The following ZNF24 variants were observed in gnomAD, a reference collection of about 807,000 sequenced individuals.
The protein encoded by ZNF24 is zinc finger protein 24, also known as retinoic acid suppression protein A.
In ZNF24, 11 loss-of-function variants were observed where a neutral mutation model predicts 40.9. The ratio of observed to expected loss-of-function variants is 0.27; its 90% confidence interval spans 0.17 to 0.45. The LOEUF (loss-of-function observed/expected upper bound fraction) is 0.45, where lower values mean the gene tolerates loss of function less well. Ranked by LOEUF, ZNF24 falls within the 20% of genes least tolerant of loss-of-function variation. The pLI is 1.00. For synonymous variants in ZNF24, 139 were observed against 154.7 expected, an observed-to-expected ratio of 0.90 and a Z score of 0.75; for missense variants, 293 against 437.7, an observed-to-expected ratio of 0.67 and a Z score of 2.95.
Position 35,339,959 on chromosome 18 carries a change from T to C in ZNF24, c.438A>G (p.Arg146=). The part of the protein sequence containing the change: ...DPGQPVSLRR[R]KREVLVEDMV... ...TGTCTTCTACTAGTACTTCCCGTTT[T>C]CGTCGACGGAGAGAAACCTGGAAAC... is the stretch of plus-strand genomic sequence containing the variant. Residue 146 remains arginine (R), a synonymous_variant, in exon 3 of 4, where the codon CGA becomes CGG. Coordinates refer to ENST00000261332, the MANE Select transcript of ZNF24 (RefSeq NM_006965.4). The C allele has an allele frequency of 6.2e-7, 1 of 1,609,584 alleles. No homozygotes were observed. The highest frequency in any genetic ancestry group is 8.5e-7 in the Non-Finnish European group (1 of 1,176,306).
At position 35,337,446 on chromosome 18, in the gene ZNF24, T is replaced by C; in HGVS notation, c.893A>G (p.Gln298Arg). Reference protein sequence around the residue: ...FSRSSILVQHQRVHTGEKPYK... With the variant: ...FSRSSILVQHRRVHTGEKPYK... ...AGGTTTTTCTCCAGTGTGGACTCTC[T>C]GGTGTTGCACAAGAATGGAACTTCG... The change falls in exon 4 of 4, where the codon CAG becomes CGG. Residue 298 changes from glutamine (Q) to arginine (R), a missense_variant. By Grantham distance (43) the Gln-to-Arg change is conservative (BLOSUM62 1). This residue lies in a region of ZNF24 where 59 missense variants were observed against 138.6 expected (regional missense o/e 0.43). Coordinates refer to ENST00000261332, the MANE Select transcript of ZNF24 (RefSeq NM_006965.4). 6.2e-7 allele frequency: 1 copy of C among 1,613,768 alleles called. No individual in the cohort carries two copies. Among genetic ancestry groups the C allele is most frequent in the Non-Finnish European group, 8.5e-7 (1 of 1,179,686 alleles).
chr18:35,344,403 C>G lies in ZNF24; in HGVS notation c.-127G>C, dbSNP rs1367015545. On this transcript the variant is annotated 5_prime_UTR_variant, in exon 1 of 4. Transcript: ENST00000261332. ...CAGGAACCGCAGCAGCTTCGCTGTC[C>G]ACGGCAGACGCAGAAACGCCGTTCA... The G allele has an allele frequency of 6.6e-6, 1 of 152,386 alleles. No homozygotes were observed. Among genetic ancestry groups the G allele is most frequent in the Non-Finnish European group, 1.5e-5 (1 of 68,166 alleles). The allele number at this position is 152,386 out of a possible 1,614,324, so 9.4% of individuals were successfully genotyped here. A position where few individuals can be genotyped will look rare whatever the true frequency, so the allele number is the denominator to read the frequency against.
At chr18:35,341,448 TTACTA>T (rs1240098255) in intron 1 of ZNF24, among the ~76,000 whole-genome samples, 2 of 152,234 alleles carry the variant, frequency 1.3e-5, no homozygotes, top group Non-Finnish European at 2.9e-5. Flanking sequence ...GTTTATGTAT[TTACTA>T]TACTTTTTAT....
chr18:35,344,154 T>G (rs946598892), intron 1 of ZNF24, among the ~76,000 whole-genome samples: 1 of 151,628 alleles, frequency 6.6e-6, no homozygotes. Flanking sequence ...GTTAGAGAGC[T>G]CTCTGCAAAT....
chr18:35,343,230 TCCA>T (rs1166376876), intron 1 of ZNF24, among the ~76,000 whole-genome samples: 2 of 152,302 alleles, frequency 1.3e-5, no homozygotes, highest in African/African-American at 2.4e-5. Flanking sequence ...TATTCAGTCT[TCCA>T]CCACACCATA....
intron 3 of ZNF24, 65 bp from the exon 4 acceptor site, chr18:35,337,835 AT>A (rs1555957718): frequency 1.4e-3 from 1,701 of 1,205,570 alleles, no homozygotes; most frequent in African/African-American, 1.8e-3. Context: ...CCTAAAAAAA[AT>A]TTTTTTTTTA....
In ZNF24 at chr18:35,340,496, C is replaced by T. The variant is rs757349943; in HGVS notation, c.155G>A (p.Arg52Gln). ...GTATCCAAACTGCCTGAATCGCTGT[C>T]GGAAAATCTCTGGGTCTGGGAGATG... The part of the protein sequence containing the change: ...WNHLPDPEIF[R>Q]QRFRQFGYQD... The change falls in exon 2 of 4, where the codon CGA becomes CAA. Residue 52 changes from arginine (R) to glutamine (Q), a missense_variant. Physicochemically the swap from Arg to Gln is conservative, Grantham distance 43. Coordinates refer to ENST00000261332, the MANE Select transcript of ZNF24 (RefSeq NM_006965.4). This position sits in a 1 kb window ranked among gnomAD's most constrained non-coding sequence, Gnocchi z 4.6. 1.9e-6 allele frequency: 3 copies of T among 1,614,204 alleles called. No homozygotes were observed. The highest frequency in any genetic ancestry group is 2.5e-6 in the Non-Finnish European group (3 of 1,180,034).
At position 35,338,768 on chromosome 18, in the gene ZNF24, CAG is replaced by C. The variant is rs576761601; in HGVS notation, c.569-1000_569-999del. On this transcript the variant is annotated intron_variant, in intron 3 of 3. Coordinates refer to ENST00000261332, the MANE Select transcript of ZNF24 (RefSeq NM_006965.4). Reference sequence around the variant, plus strand: ...GTGGAGACAAACGGCACACAGGAAACAGAAATTCCCAAGTGTGGAAGAGACTA... The same window carrying C: ...GTGGAGACAAACGGCACACAGGAAACAAATTCCCAAGTGTGGAAGAGACTA... The C allele has an allele frequency of 5.3e-5, 66 of 1,253,674 alleles. No individual in the cohort carries two copies. In the South Asian group the frequency reaches 1.6e-3, roughly 30 times the overall value. 77.7% of individuals were successfully genotyped at this position (1,253,674 alleles called of 1,614,324 possible).
chr18:35,338,731 C>T (rs1387560350), intron 3 of ZNF24: 6 of 1,176,780 alleles, frequency 5.1e-6, no homozygotes, highest in Non-Finnish European at 5.3e-6. Context: ...AACAGAGGAG[C>T]GTGAAGATTA....
intron 1 of ZNF24, among the ~76,000 whole-genome samples, chr18:35,342,285 T>C (rs1191319000): frequency 6.6e-6 from 1 of 152,046 alleles, no homozygotes; most frequent in African/African-American, 2.4e-5. Flanking sequence ...TGAAGTGTTA[T>C]CACAAAAGAG....
Position 35,340,251 on chromosome 18 carries a change from G to T in ZNF24, c.400C>A (p.Leu134Ile). Residue 134 changes from leucine to isoleucine, a missense_variant, in exon 2 of 4, where the codon CTT (leucine) becomes ATT (isoleucine). Leu to Ile is a conservative substitution (Grantham distance 5). Around this residue, in one of 2 missense-constraint regions of ZNF24, gnomAD observed 234 missense variants for 299.2 expected, o/e 0.78. Transcript: ENST00000261332. This position sits in a 1 kb window ranked among gnomAD's most constrained non-coding sequence, Gnocchi z 4.6. ...CTCACCGGTTGTCCAGGGTCATCAA[G>T]TTCACTCTCCAAATCCTCCAGCACT... ...VTVLEDLESE[L>I]DDPGQPVSLR... The T allele has an allele frequency of 6.2e-7, 1 of 1,613,324 alleles. No individual in the cohort carries two copies. Among genetic ancestry groups the T allele is most frequent in the Non-Finnish European group, 8.5e-7 (1 of 1,179,300 alleles).
At chr18:35,338,010 G>A in intron 3 of ZNF24, 1 of 500,384 alleles carries the variant, frequency 2.0e-6, no homozygotes, top group Non-Finnish European at 3.0e-6. Context: ...ATGGTAGTCA[G>A]AAAACAAAGG....
rs1485968345 is a variant in ZNF24 at position 35,337,631 on chromosome 18, C to T, written c.708G>A (p.Lys236=). 2.5e-6 allele frequency: 4 copies of T among 1,613,940 alleles called. No homozygotes were observed. Among genetic ancestry groups the T allele is most frequent in the Non-Finnish European group, 3.4e-6 (4 of 1,179,998 alleles). Residue 236 remains lysine (K), a synonymous_variant, in exon 4 of 4, where the codon AAG becomes AAA. Coordinates refer to ENST00000261332, the MANE Select transcript of ZNF24 (RefSeq NM_006965.4). The stretch of plus-strand genomic sequence containing the variant: ...GATTTCTCTTTCTTTCAAACCTGCC[C>T]TTGGGGAAACAGGTTTCTCCATATT... ...IFKYGETCFP[K]GRFERKRNPS... is the part of the protein sequence containing the mutation.
chr18:35,338,145 C>A, intron 3 of ZNF24: 1 of 984,138 alleles, frequency 1.0e-6, no homozygotes, highest in Non-Finnish European at 1.2e-6. Context: ...TTATAATGTT[C>A]TTTTACTTTG....
At chr18:35,339,390 G>A (rs1303699109) in intron 3 of ZNF24, among the ~76,000 whole-genome samples, 1 of 152,164 alleles carries the variant, frequency 6.6e-6, no homozygotes, top group Non-Finnish European at 1.5e-5. Flanking sequence ...GACGTTGAAG[G>A]AAATCAGAAA....
chr18:35,341,464 A>G (rs902718513), intron 1 of ZNF24, among the ~76,000 whole-genome samples: 9 of 152,340 alleles, frequency 5.9e-5, no homozygotes, highest in Admixed American at 4.6e-4. Flanking sequence ...TACTTTTTAT[A>G]CTATATTATT....
intron 3 of ZNF24, chr18:35,338,078 G>T: frequency 1.4e-6 from 1 of 700,632 alleles, no homozygotes. Flanking sequence ...ATGTGGCTAG[G>T]TATGGATGAA....
In ZNF24 at chr18:35,340,224, G is replaced by A; in HGVS notation, c.420+7C>T. 1 of 1,608,434 alleles carries A rather than the reference G, an allele frequency of 6.2e-7. No homozygotes were observed. The highest frequency in any genetic ancestry group is 8.5e-7 in the Non-Finnish European group (1 of 1,175,296). On this transcript the variant is annotated splice_region_variant and intron_variant, in intron 2 of 3. Coordinates refer to ENST00000261332, the MANE Select transcript of ZNF24 (RefSeq NM_006965.4). This position sits in a 1 kb window ranked among gnomAD's most constrained non-coding sequence, Gnocchi z 4.6. ...TCTGACACAGGAAATGACACAAGCA[G>A]GCTCACCGGTTGTCCAGGGTCATCA...
chr18:35,340,099 C>G lies in ZNF24; in HGVS notation c.421-123G>C. 1 of 1,485,548 alleles carries G rather than the reference C, an allele frequency of 6.7e-7. No homozygotes were observed. Among genetic ancestry groups the G allele is most frequent in the African/African-American group, 1.4e-5 (1 of 71,562 alleles). The allele number at this position is 1,485,548 out of a possible 1,614,324, so 92.0% of individuals were successfully genotyped here. ...CTAGATGGCAAAGCGGCACAGATAA[C>G]AAGGAGTGGTAGGGGAATGGGGGAA... On this transcript the variant is annotated intron_variant, in intron 2 of 3. Transcript: ENST00000261332. This position sits in a 1 kb window ranked among gnomAD's most constrained non-coding sequence, Gnocchi z 4.6.
Sources: allele counts gnomAD v4.1 joint callset (sites outside exome capture counted in the v4.1 genomes callset), GRCh38; gene constraint gnomAD v4.1.1; regional missense constraint gnomAD v4.1.1; non-coding constraint Gnocchi (gnomAD v3.1); transcripts MANE v1.5; gene names NCBI Gene and HGNC (gene_info 2026-07-23, HGNC 2026-07-21).